SUMF1: variants seen among roughly 807,000 people sequenced by gnomAD.
SUMF1 encodes sulfatase modifying factor 1, also known as formylglycine-generating enzyme.
Under a neutral mutation model 47.6 loss-of-function variants are expected in SUMF1, and 48 were observed. The ratio of observed to expected loss-of-function variants is 1.01; its 90% confidence interval spans 0.80 to 1.28. SUMF1 has a LOEUF of 1.28. SUMF1 is among the 50% of genes most tolerant of loss of function. The pLI, the probability that SUMF1 is intolerant of heterozygous loss-of-function variation, is 0.00. For missense variants in SUMF1, 571 were observed against 485.4 expected, an observed-to-expected ratio of 1.18 and a Z score of -1.66; for synonymous variants, 230 against 192.1, an observed-to-expected ratio of 1.20 and a Z score of -1.63.
At chr3:4,136,180 C>A (rs942910211) in intron 8 of SUMF1, among the ~76,000 whole-genome samples, 1 of 152,100 alleles carries the variant, frequency 6.6e-6, no homozygotes, top group African/African-American at 2.4e-5. Flanking sequence ...CAATCCTAAG[C>A]CAAAAGAACA....
intron 9 of SUMF1, among the ~76,000 whole-genome samples, chr3:4,060,915 T>C (rs1402112445): frequency 6.6e-6 from 1 of 152,144 alleles, no homozygotes; most frequent in Non-Finnish European, 1.5e-5. Context: ...GAGTTCCTAC[T>C]CTGTAAATGG....
intron 8 of SUMF1, among the ~76,000 whole-genome samples, chr3:4,286,708 G>A (rs1451207605): frequency 2.0e-5 from 3 of 152,136 alleles, no homozygotes; most frequent in South Asian, 4.1e-4. Context: ...GTTCAAAGAT[G>A]TTTTATCAGT....
At chr3:4,136,798 A>G (rs1574915829) in intron 8 of SUMF1, among the ~76,000 whole-genome samples, 1 of 151,766 alleles carries the variant, frequency 6.6e-6, no homozygotes, top group East Asian at 1.9e-4. Context: ...AACCCCATCA[A>G]AAAGTGGGCA....
At chr3:4,213,195 C>G (rs1695838044) in intron 8 of SUMF1, among the ~76,000 whole-genome samples, 1 of 152,172 alleles carries the variant, frequency 6.6e-6, no homozygotes, top group Non-Finnish European at 1.5e-5. Flanking sequence ...GAGAGCCCAT[C>G]AGACTAACAG....
intron 8 of SUMF1, among the ~76,000 whole-genome samples, chr3:4,166,420 A>G (rs1046815274): frequency 6.6e-6 from 1 of 152,158 alleles, no homozygotes; most frequent in Non-Finnish European, 1.5e-5. Context: ...TAGGCCTGCT[A>G]GTCTGAGAAG....
At chr3:4,072,304 C>G (rs1695546549) in intron 8 of SUMF1, among the ~76,000 whole-genome samples, 1 of 152,110 alleles carries the variant, frequency 6.6e-6, no homozygotes, top group African/African-American at 2.4e-5. Context: ...AAAAGGACAT[C>G]CACACCAAAA....
chr3:4,303,500 C>A, intron 8 of SUMF1: 1 of 1,460,192 alleles, frequency 6.8e-7, no homozygotes, highest in Non-Finnish European at 9.0e-7. Flanking sequence ...CGCGTGGCCC[C>A]CGGGGGCCGC....
chr3:4,087,945 A>T (rs765630841), intron 8 of SUMF1, among the ~76,000 whole-genome samples: 8 of 152,246 alleles, frequency 5.3e-5, no homozygotes, highest in Middle Eastern at 3.4e-3. Context: ...TTTGAAGAGA[A>T]ATTAATGATT....
At chr3:4,405,366 A>G (rs570294824) in intron 7 of SUMF1, among the ~76,000 whole-genome samples, 19 of 152,156 alleles carry the variant, frequency 1.2e-4, no homozygotes, top group African/African-American at 4.1e-4. Flanking sequence ...TCCCAGGTCA[A>G]TTCTATTTTT....
chr3:4,046,012 C>G (rs1694999815), intron 9 of SUMF1, among the ~76,000 whole-genome samples: 1 of 152,128 alleles, frequency 6.6e-6, no homozygotes, highest in Non-Finnish European at 1.5e-5. Flanking sequence ...GATTGCACCA[C>G]TACTGTCCAA....
At chr3:4,449,198 G>C in intron 3 of SUMF1, 68 bp downstream of exon 3, 1 of 1,574,856 alleles carries the variant, frequency 6.3e-7, no homozygotes, top group Non-Finnish European at 8.7e-7. Flanking sequence ...ATGTGGTTTG[G>C]ATTTTTCACC....
rs1227522987 is a variant in SUMF1, at chr3:4,243,241, G to T, written c.1014+133089C>A. Among the ~76,000 whole-genome samples, 3 of 152,060 alleles carry T rather than the reference G, an allele frequency of 2.0e-5. No individual in the cohort carries two copies. The South Asian group carries it at 6.2e-4, about 31-fold the overall frequency. On this transcript the variant is annotated intron_variant and NMD_transcript_variant, in intron 8 of 12. Transcript: ENST00000448413. ...CCTGGATTCATTGATTTTCTGAAAG[G>T]TTTTTTGGGTCTCTACCTCCTTCAG...
intron 8 of SUMF1, among the ~76,000 whole-genome samples, chr3:4,143,367 T>G (rs1285777761): frequency 6.6e-6 from 1 of 152,100 alleles, no homozygotes; most frequent in Admixed American, 6.6e-5. Flanking sequence ...TAACCCTCAC[T>G]ACAAGACTGT....
At chr3:4,174,065 T>C (rs1694899699) in intron 8 of SUMF1, among the ~76,000 whole-genome samples, 1 of 152,038 alleles carries the variant, frequency 6.6e-6, no homozygotes, top group South Asian at 2.1e-4. Context: ...GATTAAATTA[T>C]GGTTACCCAG....
intron 8 of SUMF1, among the ~76,000 whole-genome samples, chr3:4,168,331 C>T (rs908993955): frequency 3.9e-5 from 6 of 152,136 alleles, no homozygotes; most frequent in African/African-American, 9.7e-5. Context: ...TAAAAACTTT[C>T]GATGACACAG....
At chr3:4,178,589 G>A (rs1295521499) in intron 8 of SUMF1, among the ~76,000 whole-genome samples, 2 of 152,108 alleles carry the variant, frequency 1.3e-5, no homozygotes, top group Admixed American at 1.3e-4. Flanking sequence ...ATATCATACT[G>A]AATGGGCAAA....
rs146626268 is a variant in SUMF1 at position 4,160,316 on chromosome 3, T to G, written c.1015-91571A>C. Among the ~76,000 whole-genome samples, 219 of 152,128 alleles carry G rather than the reference T, an allele frequency of 1.4e-3. 3 individuals carry two copies. In the East Asian group the frequency reaches 0.024, roughly 17 times the overall value. Reference sequence around the variant, plus strand: ...GTGCAGTGGTACAATCTTGACTCATTGCAATCTCCGCCTCCCAGGTTCAAG... The same window carrying G: ...GTGCAGTGGTACAATCTTGACTCATGGCAATCTCCGCCTCCCAGGTTCAAG... On this transcript the variant is annotated intron_variant and NMD_transcript_variant, in intron 8 of 12. Transcript: ENST00000448413.
rs190208393 is a variant in SUMF1 at position 4,458,831 on chromosome 3, G to C, written c.271-5782C>G. On this transcript the variant is annotated intron_variant, in intron 1 of 8. Coordinates refer to ENST00000272902, the MANE Select transcript of SUMF1 (RefSeq NM_182760.4). ...AGATGGAGCCACTGCACTCCAGCCT[G>C]GGCAACAGAGCTAGATTCCGTCTCA... 8.6e-4 allele frequency among the ~76,000 whole-genome samples: 131 copies of C among 152,258 alleles called. 4 individuals are homozygous for C. In the East Asian group the frequency reaches 0.02, roughly 23 times the overall value.
chr3:4,284,128 G>A (rs547291402), intron 8 of SUMF1, among the ~76,000 whole-genome samples: 6 of 152,188 alleles, frequency 3.9e-5, no homozygotes, highest in South Asian at 2.1e-4. Context: ...AACAAAGAAG[G>A]TGGGAGGCCA....
Sources: gnomAD v4.1 joint callset for allele counts (sites outside exome capture counted in the v4.1 genomes callset) on GRCh38, gnomAD v4.1.1 for gene constraint, MANE v1.5 for transcripts, NCBI Gene and HGNC (gene_info 2026-07-23, HGNC 2026-07-21) for gene names.